The following IRGM variants were observed in gnomAD, a reference collection of about 807,000 sequenced individuals.
IRGM encodes immunity related GTPase M.
For synonymous variants in IRGM, 98 were observed against 80.6 expected (o/e 1.22, Z -1.16); for missense variants, 288 against 219.9 (o/e 1.31, Z -1.96).
chr5:150,886,645 G>T (rs551798991), intron 3 of IRGM, among the ~76,000 whole-genome samples: 2 of 152,044 alleles, frequency 1.3e-5, no homozygotes, highest in East Asian at 3.9e-4. Flanking sequence ...TATACGTCTA[G>T]GAATTTACCC....
rs11167518 is a variant in IRGM, at chr5:150,879,358, C to T, written c.*79-227C>T. Among the ~76,000 whole-genome samples, 541 of 152,164 alleles carry T rather than the reference C, an allele frequency of 3.6e-3. 6 individuals are homozygous for T. Among genetic ancestry groups the T allele is most frequent in the African/African-American group, 0.012 (511 of 41,496 alleles). On this transcript the variant is annotated intron_variant and NMD_transcript_variant, in intron 2 of 3. Transcript: ENST00000520549. ...TGTCAATCAGAAAAATTAGAAAAAT[C>T]TTTGTTTTCAGATTCTCTTTGCATT...
At chr5:150,860,874 T>G (rs1267685127) in intron 1 of IRGM, among the ~76,000 whole-genome samples, 2 of 152,238 alleles carry the variant, frequency 1.3e-5, no homozygotes, top group African/African-American at 4.8e-5. Flanking sequence ...AATTGTGAGA[T>G]CTAGGAAACT....
In IRGM at chr5:150,898,339, C is replaced by CATATGTCAGG; in HGVS notation, c.*141-2248_*141-2239dup. ...GGTATGAAGGTCATAAAAGTCATGA[C>CATATGTCAGG]ATATGTCAGGAACAATCTAATCACA... On this transcript the variant is annotated intron_variant and NMD_transcript_variant, in intron 3 of 3. Transcript: ENST00000520549. 2.5e-6 allele frequency: 4 copies of CATATGTCAGG among 1,606,872 alleles called. No homozygotes were observed. In the South Asian group the frequency reaches 4.4e-5, roughly 18 times the overall value.
intron 3 of IRGM, chr5:150,895,420 T>G (rs757310035): frequency 6.3e-7 from 1 of 1,582,748 alleles, no homozygotes; most frequent in South Asian, 1.2e-5. Flanking sequence ...CTGTGGCCAG[T>G]TCATTATGAT....
chr5:150,880,743 A>G (rs1226922295), intron 3 of IRGM, among the ~76,000 whole-genome samples: 1 of 152,254 alleles, frequency 6.6e-6, no homozygotes, highest in African/African-American at 2.4e-5. Context: ...ATTTTCATAA[A>G]GAGTACCTCA....
At chr5:150,897,435 G>C (rs558622641) in intron 3 of IRGM, 2 of 155,816 alleles carry the variant, frequency 1.3e-5, no homozygotes, top group African/African-American at 4.8e-5. Flanking sequence ...CCAATATCCT[G>C]CTACAGATTC....
chr5:150,893,752 A>G (rs966737741), intron 3 of IRGM, among the ~76,000 whole-genome samples: 4 of 152,124 alleles, frequency 2.6e-5, no homozygotes, highest in Non-Finnish European at 5.9e-5. Context: ...AGTTCCATAT[A>G]AATAGAGCTA....
chr5:150,869,724 C>A (rs1472968411), intron 1 of IRGM, among the ~76,000 whole-genome samples: 5 of 151,972 alleles, frequency 3.3e-5, no homozygotes, highest in East Asian at 3.8e-4. Flanking sequence ...ATGTTAATAA[C>A]TTCTCTTTTT....
chr5:150,860,267 A>C (rs11949356), intron 1 of IRGM, among the ~76,000 whole-genome samples: 3 of 152,210 alleles, frequency 2.0e-5, no homozygotes, highest in Non-Finnish European at 4.4e-5. Context: ...TATGCATTTC[A>C]TTACTGGATC....
chr5:150,865,457 G>C (rs1271109969), intron 1 of IRGM, among the ~76,000 whole-genome samples: 2 of 152,160 alleles, frequency 1.3e-5, no homozygotes, highest in Non-Finnish European at 2.9e-5. Flanking sequence ...AAAACTATAT[G>C]CTTATAGCAG....
At chr5:150,896,742 G>C (rs927990891) in intron 3 of IRGM, 5 of 1,613,538 alleles carry the variant, frequency 3.1e-6, no homozygotes, top group Non-Finnish European at 4.2e-6. Context: ...TTTCCCCAGT[G>C]GATTATATTT....
intron 3 of IRGM, among the ~76,000 whole-genome samples, chr5:150,884,939 T>A (rs1361428056): frequency 6.6e-6 from 1 of 152,194 alleles, no homozygotes; most frequent in African/African-American, 2.4e-5. Flanking sequence ...ATTTGTCAAC[T>A]GTCACGTTTG....
intron 3 of IRGM, chr5:150,895,433 T>C: frequency 6.3e-7 from 1 of 1,599,854 alleles, no homozygotes; most frequent in African/African-American, 1.3e-5. Context: ...ATTATGATTT[T>C]ACCACTGTGT....
intron 1 of IRGM, among the ~76,000 whole-genome samples, chr5:150,871,036 A>G (rs1407930006): frequency 6.6e-6 from 1 of 152,232 alleles, no homozygotes; most frequent in East Asian, 1.9e-4. Context: ...GGAAAACAAA[A>G]AAGGAAAGAT....
At chr5:150,850,311 T>A (rs1442122405), downstream of IRGM, among the ~76,000 whole-genome samples, 1 of 152,222 alleles carries the variant, frequency 6.6e-6, no homozygotes, top group Non-Finnish European at 1.5e-5. Flanking sequence ...TAAGTTCTAT[T>A]TCCTAATAAT....
At chr5:150,848,854 G>C (rs938207046), downstream of IRGM, among the ~76,000 whole-genome samples, 3 of 151,962 alleles carry the variant, frequency 2.0e-5, no homozygotes, top group East Asian at 5.8e-4. Context: ...CCCAGGCAAG[G>C]CTGCTTGCTT....
chr5:150,856,587 G>C (rs1355289552), intron 1 of IRGM, among the ~76,000 whole-genome samples: 1 of 151,622 alleles, frequency 6.6e-6, no homozygotes, highest in Non-Finnish European at 1.5e-5. Context: ...ACCAATTGGG[G>C]TAGTGTTCCT....
At chr5:150,895,361 A>T in intron 3 of IRGM, 2 of 1,271,144 alleles carry the variant, frequency 1.6e-6, no homozygotes, top group Non-Finnish European at 2.1e-6. Flanking sequence ...TTATCAAATT[A>T]ATTGGGTTTC....
downstream of IRGM, among the ~76,000 whole-genome samples, chr5:150,851,177 G>C (rs1451621651): frequency 6.6e-6 from 1 of 152,104 alleles, no homozygotes; most frequent in Non-Finnish European, 1.5e-5. Context: ...CCCTACATAT[G>C]GCCCTGGAAC....
Sources: allele counts gnomAD v4.1 joint callset (sites outside exome capture counted in the v4.1 genomes callset), GRCh38; gene constraint gnomAD v4.1.1; transcripts MANE v1.5; gene names NCBI Gene and HGNC (gene_info 2026-07-23, HGNC 2026-07-21).